Variants in AGBL1 observed in about 807,000 individuals in gnomAD.
The protein encoded by AGBL1 is AGBL carboxypeptidase 1, also known as cytosolic carboxypeptidase 4.
A neutral mutation model predicts 118.9 loss-of-function variants in AGBL1; 130 were observed. The observed-to-expected ratio is 1.09, with a 90% confidence interval of 0.95 to 1.26. AGBL1 has a LOEUF of 1.26. AGBL1 is among the 50% of genes most tolerant of loss of function. AGBL1 has a pLI of 0.00. For missense variants in AGBL1, 1,584 were observed against 1,298.1 expected (o/e 1.22, Z -3.38); for synonymous variants, 555 against 478.9 (o/e 1.16, Z -2.08).
intron 1 of AGBL1, among the ~76,000 whole-genome samples, chr15:86,088,802 G>A (rs1895840248): frequency 6.6e-6 from 1 of 152,126 alleles, no homozygotes; most frequent in South Asian, 2.1e-4. Context: ...ACTCAGAGAG[G>A]ATTTCTCTGA....
chr15:86,825,688 A>AGG (rs1199029166), intron 22 of AGBL1, among the ~76,000 whole-genome samples: 6,584 of 115,976 alleles, frequency 0.057, 480 homozygotes, highest in African/African-American at 0.13. Context: ...AGGAAGGGAG[A>AGG]GAGGGAGGGA....
intron 5 of AGBL1, among the ~76,000 whole-genome samples, chr15:86,163,845 C>T (rs747042253): frequency 3.9e-5 from 6 of 152,228 alleles, no homozygotes; most frequent in African/African-American, 7.2e-5. Flanking sequence ...TGAGTAGGTG[C>T]TATGCTAGGC....
chr15:86,152,721 A>T (rs139575980), intron 3 of AGBL1, among the ~76,000 whole-genome samples: 4,436 of 152,352 alleles, frequency 0.029, 84 homozygotes, highest in Middle Eastern at 0.061. Flanking sequence ...CATCAGAGTG[A>T]ACAGGCATCC....
chr15:86,732,405 C>G (rs528564203), intron 22 of AGBL1, among the ~76,000 whole-genome samples: 95 of 152,280 alleles, frequency 6.2e-4, no homozygotes, highest in African/African-American at 3.4e-4. Flanking sequence ...AACTATGTAG[C>G]TGCCCTTGTC....
rs201686936 is a variant in AGBL1, at chr15:86,546,222, T to TG, written c.2817+89_2817+90insG. 1.7e-4 allele frequency: 108 copies of TG among 638,918 alleles called. 1 individual carries two copies. The East Asian group carries it at 3.4e-3, about 20-fold the overall frequency. 39.6% of individuals were successfully genotyped at this position (638,918 alleles called of 1,614,324 possible). On this transcript the variant is annotated intron_variant, in intron 20 of 22. Transcript: ENST00000614907. ...GACCATGCCCCACTCATTTATTTAG[T>TG]TTTTTTTTTTTTTTGTAAATAAGCA...
At chr15:86,878,755 C>T (rs1240607924) in intron 22 of AGBL1, among the ~76,000 whole-genome samples, 1 of 152,222 alleles carries the variant, frequency 6.6e-6, no homozygotes, top group African/African-American at 2.4e-5. Context: ...TCAATGTTAG[C>T]TAATCAGCCT....
chr15:86,783,703 C>A (rs1245353883), intron 22 of AGBL1, among the ~76,000 whole-genome samples: 1 of 152,242 alleles, frequency 6.6e-6, no homozygotes, highest in Non-Finnish European at 1.5e-5. Context: ...AGTCTCAGCT[C>A]ACTGCAGCCT....
In AGBL1 at chr15:86,247,705, C is replaced by A. The variant is rs371409529; in HGVS notation, c.561C>A (p.Tyr187Ter). Residue 187 changes from tyrosine (Y) to a stop codon, truncating the protein, a stop_gained, in exon 7 of 23, where the codon TAC (tyrosine) becomes TAA (stop). Transcript: ENST00000614907. LOFTEE classifies it high-confidence loss of function. ...GCCGCAGAGCAGTGAACCGAGGCTA[C>A]GTCACCAGCCTGCTCGGGCTGCACC... ...SNGRRAVNRGYVTSLLGLHQD... is the reference protein window; with the variant it reads ...SNGRRAVNRG 54 of 1,612,342 alleles carry A rather than the reference C, an allele frequency of 3.3e-5. No homozygotes were observed. The African/African-American group carries it at 6.4e-4, about 19-fold the overall frequency.
intron 18 of AGBL1, among the ~76,000 whole-genome samples, chr15:86,487,237 C>T (rs900032353): frequency 6.6e-6 from 1 of 152,034 alleles, no homozygotes; most frequent in Non-Finnish European, 1.5e-5. Context: ...CATCCAGAAA[C>T]AAGCTCAGTC....
At chr15:86,280,036 T>C (rs1298192916) in intron 16 of AGBL1, among the ~76,000 whole-genome samples, 1 of 152,140 alleles carries the variant, frequency 6.6e-6, no homozygotes, top group Non-Finnish European at 1.5e-5. Flanking sequence ...GGTCTGCAAG[T>C]TGGGGCAGGA....
rs1001605855 is a variant in AGBL1 at position 86,864,580 on chromosome 15, A to G, written c.3159-42507A>G. On this transcript the variant is annotated intron_variant, in intron 22 of 22. Coordinates refer to ENST00000614907, the MANE Select transcript of AGBL1 (RefSeq NM_001386094.1). ...TTACTCCAGAGCTTGCCTTCATACT[A>G]CTCTACTAAGCTACCTCCACCAAAA... Among the ~76,000 whole-genome samples, 8 of 151,958 alleles carry G rather than the reference A, an allele frequency of 5.3e-5. 1 individual carries two copies. In the South Asian group the frequency reaches 6.3e-4, roughly 12 times the overall value.
intron 22 of AGBL1, among the ~76,000 whole-genome samples, chr15:86,674,989 A>C (rs541477146): frequency 6.6e-6 from 1 of 152,300 alleles, no homozygotes; most frequent in South Asian, 2.1e-4. Context: ...GGAGATTATT[A>C]ATGAGCCAAG....
At chr15:87,019,695 A>T (rs1391521935) in intron 24 of AGBL1, among the ~76,000 whole-genome samples, 1 of 152,128 alleles carries the variant, frequency 6.6e-6, no homozygotes, top group Non-Finnish European at 1.5e-5. Flanking sequence ...TAACAACCTA[A>T]CATCACAACT....
chr15:86,105,136 G>T (rs909027947), intron 1 of AGBL1: 3 of 152,240 alleles, frequency 2.0e-5, no homozygotes, highest in South Asian at 4.1e-4. Flanking sequence ...TTGCTATTTT[G>T]GTTCTTCTTT....
intron 22 of AGBL1, among the ~76,000 whole-genome samples, chr15:86,771,378 G>A (rs1356792645): frequency 6.6e-6 from 1 of 152,058 alleles, no homozygotes; most frequent in African/African-American, 2.4e-5. Flanking sequence ...AAGCTATTAA[G>A]TGGAGTGAAT....
intron 18 of AGBL1, among the ~76,000 whole-genome samples, chr15:86,438,489 T>C (rs146797665): frequency 2.0e-3 from 300 of 152,224 alleles, no homozygotes; most frequent in Admixed American, 6.0e-3. Flanking sequence ...CCATCCAGGG[T>C]TACCAGATTT....
intron 21 of AGBL1, among the ~76,000 whole-genome samples, chr15:86,633,840 T>G: frequency 1.4e-5 from 1 of 71,618 alleles, no homozygotes; most frequent in Non-Finnish European, 2.4e-5. Flanking sequence ...AATGTATATA[T>G]ATATAATGTA....
At chr15:86,508,765 G>A (rs1596203643) in intron 18 of AGBL1, among the ~76,000 whole-genome samples, 1 of 152,122 alleles carries the variant, frequency 6.6e-6, no homozygotes, top group Non-Finnish European at 1.5e-5. Flanking sequence ...CATACAAGAT[G>A]CAGTACTATC....
chr15:86,842,636 G>T (rs939966189), intron 22 of AGBL1, among the ~76,000 whole-genome samples: 1 of 152,164 alleles, frequency 6.6e-6, no homozygotes, highest in South Asian at 2.1e-4. Context: ...TCTGCAGCAG[G>T]AAAGTGAGGA....
Sources: allele counts gnomAD v4.1 joint callset (sites outside exome capture counted in the v4.1 genomes callset), GRCh38; gene constraint gnomAD v4.1.1; transcripts MANE v1.5; gene names NCBI Gene and HGNC (gene_info 2026-07-23, HGNC 2026-07-21).